Variants in MEGF9 observed in about 807,000 individuals in gnomAD.
MEGF9 encodes the protein multiple epidermal growth factor-like domains protein 9.
In MEGF9, 6 loss-of-function variants were observed where a neutral mutation model predicts 46.8. The ratio of observed to expected loss-of-function variants is 0.13; its 90% CI spans 0.07 to 0.25. MEGF9 has a LOEUF of 0.25. Among genes scored for constraint, MEGF9 ranks in the 10% least tolerant of loss-of-function variants. MEGF9 has a pLI of 1.00. For synonymous variants in MEGF9, 302 were observed against 330.7 expected (o/e 0.91, Z 0.94); for missense variants, 683 against 792.4 (o/e 0.86, Z 1.66).
chr9:120,708,114 T>C (rs566348272), intron 1 of MEGF9, among the ~76,000 whole-genome samples: 1 of 151,880 alleles, frequency 6.6e-6, no homozygotes, highest in East Asian at 1.9e-4. Flanking sequence ...TCCTAGCACT[T>C]TGGGAGGCCG....
intron 4 of MEGF9, among the ~76,000 whole-genome samples, chr9:120,611,739 T>C (rs2043446045): frequency 6.6e-6 from 1 of 151,298 alleles, no homozygotes; most frequent in African/African-American, 2.4e-5. Context: ...TCTTAAATTG[T>C]ATGAAATGTG....
At chr9:120,700,635 C>T (rs1247008880) in intron 1 of MEGF9, among the ~76,000 whole-genome samples, 2 of 151,982 alleles carry the variant, frequency 1.3e-5, no homozygotes, top group Non-Finnish European at 2.9e-5. Context: ...CAAGTCCTTC[C>T]CCCCCCGTTA....
At chr9:120,644,741 C>T (rs147373808) in intron 2 of MEGF9, among the ~76,000 whole-genome samples, 1 of 152,282 alleles carries the variant, frequency 6.6e-6, no homozygotes, top group East Asian at 1.9e-4. Flanking sequence ...ACATAGTAAA[C>T]AGTCGGTAAA....
chr9:120,640,480 G>A (rs754354280), intron 2 of MEGF9, among the ~76,000 whole-genome samples: 4 of 151,642 alleles, frequency 2.6e-5, no homozygotes, highest in Admixed American at 6.6e-5. Context: ...CAGTTCTGTG[G>A]AATCAGGGGG....
chr9:120,639,249 C>G (rs2043591726), intron 2 of MEGF9, among the ~76,000 whole-genome samples: 1 of 151,904 alleles, frequency 6.6e-6, no homozygotes, highest in Non-Finnish European at 1.5e-5. Context: ...GTGCTCATGC[C>G]TGTAATCCCA....
chr9:120,653,011 T>G (rs1310740109), intron 2 of MEGF9, among the ~76,000 whole-genome samples: 1 of 152,214 alleles, frequency 6.6e-6, no homozygotes, highest in Admixed American at 6.5e-5. Context: ...AATCCAAGTC[T>G]ACCAATTTCA....
intron 2 of MEGF9, among the ~76,000 whole-genome samples, chr9:120,633,828 A>T (rs1362563995): frequency 2.0e-5 from 3 of 152,090 alleles, no homozygotes; most frequent in Non-Finnish European, 4.4e-5. Context: ...AAATTTTAAA[A>T]TTTCCTCATT....
At position 120,676,305 on chromosome 9, in the gene MEGF9, G is replaced by T. The variant is rs1202714426; in HGVS notation, c.602-16730C>A. On this transcript the variant is annotated intron_variant, in intron 1 of 5. Coordinates refer to ENST00000373930, the MANE Select transcript of MEGF9 (RefSeq NM_001080497.3). ...TTTTCCCATCTATGAGCACTAACAT[G>T]TGTCTCCACTTATTCAGTCTTCTTT... Among the ~76,000 whole-genome samples the T allele has an allele frequency of 2.6e-5, 4 of 152,242 alleles. No individual in the cohort carries two copies. In the East Asian group the frequency reaches 5.8e-4, roughly 22 times the overall value.
intron 1 of MEGF9, among the ~76,000 whole-genome samples, chr9:120,671,728 C>T (rs1033559388): frequency 7.2e-5 from 11 of 152,176 alleles, no homozygotes; most frequent in African/African-American, 2.7e-4. Flanking sequence ...TTCCAGATAA[C>T]AGAAGAGGTA....
intron 1 of MEGF9, among the ~76,000 whole-genome samples, chr9:120,667,087 A>T (rs964590833): frequency 3.3e-5 from 5 of 152,182 alleles, no homozygotes; most frequent in African/African-American, 7.2e-5. Context: ...ATGCAAAAAA[A>T]TTTTTTTAAG....
intron 2 of MEGF9, among the ~76,000 whole-genome samples, chr9:120,643,240 C>G (rs1250055718): frequency 6.6e-6 from 1 of 151,578 alleles, no homozygotes; most frequent in Non-Finnish European, 1.5e-5. Flanking sequence ...AAAAAAAAAT[C>G]TGAGATGGAA....
chr9:120,654,581 ATACT>A (rs1336517685), intron 2 of MEGF9, among the ~76,000 whole-genome samples: 37 of 152,240 alleles, frequency 2.4e-4, no homozygotes, highest in South Asian at 2.1e-4. Flanking sequence ...ACAGTACATA[ATACT>A]TAATAATGAA....
chr9:120,620,548 G>A (rs1193647073), intron 3 of MEGF9, among the ~76,000 whole-genome samples: 1 of 152,140 alleles, frequency 6.6e-6, no homozygotes, highest in African/African-American at 2.4e-5. Flanking sequence ...AAGTATATGT[G>A]AGAGCATATA....
At chr9:120,698,849 A>G (rs2043890420) in intron 1 of MEGF9, among the ~76,000 whole-genome samples, 1 of 152,168 alleles carries the variant, frequency 6.6e-6, no homozygotes, top group Non-Finnish European at 1.5e-5. Flanking sequence ...AGTTTCCTAA[A>G]GGCCAGAGTC....
At chr9:120,673,106 T>C (rs191207686) in intron 1 of MEGF9, among the ~76,000 whole-genome samples, 2 of 152,350 alleles carry the variant, frequency 1.3e-5, no homozygotes, top group African/African-American at 2.4e-5. Context: ...AATGAACAGA[T>C]GGAATTTTTA....
chr9:120,612,224 C>T (rs913691600), intron 4 of MEGF9, among the ~76,000 whole-genome samples, 172 bp downstream of exon 4: 23 of 151,788 alleles, frequency 1.5e-4, no homozygotes, highest in Non-Finnish European at 3.4e-4. Flanking sequence ...GTCTCATTCA[C>T]ATATATATAT....
At chr9:120,651,161 A>G (rs1469066827) in intron 2 of MEGF9, among the ~76,000 whole-genome samples, 2 of 152,220 alleles carry the variant, frequency 1.3e-5, no homozygotes, top group Non-Finnish European at 2.9e-5. Context: ...TCTAATTTCT[A>G]CTACGCCAAA....
At chr9:120,629,788 C>T (rs1564415743) in intron 2 of MEGF9, among the ~76,000 whole-genome samples, 1 of 151,892 alleles carries the variant, frequency 6.6e-6, no homozygotes, top group East Asian at 1.9e-4. Flanking sequence ...CAAAAATTAG[C>T]TAGGCGTGGT....
rs139244558 is a variant in MEGF9, at chr9:120,696,030, T to C, written c.601+17728A>G. Among the ~76,000 whole-genome samples the C allele has an allele frequency of 9.1e-3, 1,382 of 152,300 alleles. 5 individuals are homozygous for C. The highest frequency in any genetic ancestry group is 0.016 in the Non-Finnish European group (1,066 of 68,022). On this transcript the variant is annotated intron_variant, in intron 1 of 5. Coordinates refer to ENST00000373930, the MANE Select transcript of MEGF9 (RefSeq NM_001080497.3). ...GGCAAACAGGGAGATGGATGGAGTA[T>C]GACAAGTGGCAGTAGCACTTGTTCT...
Sources: allele counts gnomAD v4.1 joint callset (sites outside exome capture counted in the v4.1 genomes callset), GRCh38; gene constraint gnomAD v4.1.1; transcripts MANE v1.5; gene names NCBI Gene and HGNC (gene_info 2026-07-23, HGNC 2026-07-21).